BCLAF3: variants seen among roughly 807,000 people sequenced by gnomAD.
BCLAF3 encodes the protein transient octamer binding factor 1.
BCLAF3 carries 24 observed loss-of-function variants against 51.2 expected under a neutral mutation model. The observed-to-expected ratio is 0.47, with a 90% confidence interval of 0.34 to 0.66. BCLAF3 has a LOEUF of 0.66. BCLAF3 is among the 30% of genes least tolerant of loss of function. The pLI is 0.01. For synonymous variants in BCLAF3, 152 were observed against 176.6 expected (o/e 0.86, Z 1.10); for missense variants, 465 against 525.1 (o/e 0.89, Z 1.12).
At chrX:19,970,710 A>T (rs927622878) in intron 1 of BCLAF3, among the ~76,000 whole-genome samples, 5 of 112,158 alleles carry the variant, frequency 4.5e-5, no homozygotes, top group Non-Finnish European at 9.4e-5. Flanking sequence ...TATTAACTAC[A>T]TGTTGAAATA....
chrX:19,939,771 A>C (rs2070929069), intron 8 of BCLAF3, among the ~76,000 whole-genome samples: 1 of 112,406 alleles, frequency 8.9e-6, no homozygotes, highest in African/African-American at 3.2e-5. Context: ...AAATTCTGAC[A>C]CATGATACAA....
Position 19,984,689 on chromosome X carries a change from CT to C in BCLAF3, c.-35+6218del, listed in dbSNP as rs1314071005. Among the ~76,000 whole-genome samples the C allele has an allele frequency of 4.6e-3, 484 of 104,558 alleles. 3 individuals are homozygous for C. Among genetic ancestry groups the C allele is most frequent in the African/African-American group, 0.014 (404 of 29,083 alleles). 90.8% of individuals were successfully genotyped at this position (104,558 alleles called of 115,157 possible). A position where few individuals can be genotyped will look rare whatever the true frequency, so the allele number is the denominator to read the frequency against. On this transcript the variant is annotated intron_variant, in intron 1 of 11. Coordinates refer to ENST00000379682, the MANE Select transcript of BCLAF3 (RefSeq NM_001367774.2). ...TGGGTATTTTAGAACTAAAATTATA[CT>C]TTTTTTTTTTTTGAGACGGAGTTTC...
chrX:19,936,306 G>A (rs1250065175), intron 9 of BCLAF3, among the ~76,000 whole-genome samples: 1 of 111,904 alleles, frequency 8.9e-6, no homozygotes, highest in South Asian at 3.7e-4. Context: ...ATTGCAGGAG[G>A]CAGGTTTTCC....
Position 19,965,231 on chromosome X carries a change from G to A in BCLAF3, c.1087C>T (p.Arg363Ter). Residue 363 changes from arginine to a stop codon, truncating the protein, a stop_gained, in exon 4 of 12, where the codon CGA becomes TGA. Transcript: ENST00000379682. LOFTEE classifies it high-confidence loss of function. ...TCCTTCCATTTGTCATTACTAGATC[G>A]CAAATCAACATCATTTTTATTTGAA... ...TYSNKNDVDL[R>*]SSNDKWKEKI... 1 of 1,204,859 alleles carries A rather than the reference G, an allele frequency of 8.3e-7. No homozygotes were observed. Among genetic ancestry groups the A allele is most frequent in the Non-Finnish European group, 1.1e-6 (1 of 892,969 alleles).
chrX:19,935,389 A>G (rs1234313747), intron 10 of BCLAF3: 5 of 117,307 alleles, frequency 4.3e-5, no homozygotes, highest in Non-Finnish European at 8.8e-5. Flanking sequence ...ATGATCCAGA[A>G]CGCCTCTAAG....
intron 1 of BCLAF3, among the ~76,000 whole-genome samples, chrX:19,988,656 A>C (rs1381129209): frequency 8.9e-6 from 1 of 112,275 alleles, no homozygotes; most frequent in African/African-American, 3.2e-5. Context: ...CAACAAGACA[A>C]AGTGTGTCTA....
chrX:19,928,795 T>C (rs1234033352), intron 11 of BCLAF3, among the ~76,000 whole-genome samples: 1 of 111,123 alleles, frequency 9.0e-6, no homozygotes, highest in East Asian at 2.8e-4. Flanking sequence ...ATCTGAAGGA[T>C]ATTATGTTAA....
intron 8 of BCLAF3, among the ~76,000 whole-genome samples, chrX:19,938,394 T>C (rs193214900): frequency 2.7e-5 from 3 of 111,676 alleles, no homozygotes; most frequent in African/African-American, 9.8e-5. Context: ...AGCTTCAGGA[T>C]TTTTTGTTTG....
chrX:19,964,903 CTTTT>C, intron 4 of BCLAF3, 137 bp downstream of exon 4: 1 of 485,665 alleles, frequency 2.1e-6, no homozygotes, highest in Non-Finnish European at 3.2e-6. Context: ...CACTACAGGG[CTTTT>C]TTTTTGGGGG....
rs753130124 is a variant in BCLAF3, at chrX:19,935,904, C to G, written c.1861-6G>C. The G allele has an allele frequency of 5.1e-6, 6 of 1,178,236 alleles. No individual in the cohort carries two copies. The South Asian group carries it at 1.1e-4, about 22-fold the overall frequency. The stretch of plus-strand genomic sequence containing the variant: ...TTTCTCTGCGTAGTATAATTCTGCA[C>G]GAAAAAAAGTAGTAGTGTGGGTTAA... On this transcript the variant is annotated splice_polypyrimidine_tract_variant and splice_region_variant and intron_variant, in intron 9 of 11. Coordinates refer to ENST00000379682, the MANE Select transcript of BCLAF3 (RefSeq NM_001367774.2).
At chrX:19,946,030 C>T (rs1447634295) in intron 8 of BCLAF3, among the ~76,000 whole-genome samples, 2 of 108,980 alleles carry the variant, frequency 1.8e-5, no homozygotes, top group Non-Finnish European at 3.8e-5. Context: ...GGGAGTGACC[C>T]GATTTTCCAG....
At chrX:19,978,817 G>A in intron 1 of BCLAF3, among the ~76,000 whole-genome samples, 1 of 109,161 alleles carries the variant, frequency 9.2e-6, no homozygotes, top group Non-Finnish European at 1.9e-5. Context: ...GCCCAGGCTG[G>A]TCTTGATCTC....
At chrX:19,948,398 G>A (rs2071376850) in intron 8 of BCLAF3, among the ~76,000 whole-genome samples, 1 of 111,906 alleles carries the variant, frequency 8.9e-6, no homozygotes, top group Non-Finnish European at 1.9e-5. Flanking sequence ...CTACAACATG[G>A]ATGAGCGTTA....
chrX:19,924,043 G>A lies in BCLAF3; in HGVS notation c.2106+5742C>T, dbSNP rs769425461. ...TCGAACTCCTGAGCTCAGGTGATCC[G>A]CCTGCCTCGGCCTCCCAAAGCGCTG... is the stretch of plus-strand genomic sequence containing the variant. On this transcript the variant is annotated intron_variant, in intron 11 of 11. Coordinates refer to ENST00000379682, the MANE Select transcript of BCLAF3 (RefSeq NM_001367774.2). Among the ~76,000 whole-genome samples the A allele has an allele frequency of 1.2e-4, 13 of 110,162 alleles. 1 individual carries two copies. Among genetic ancestry groups the A allele is most frequent in the South Asian group, 7.7e-4 (2 of 2,585 alleles).
intron 11 of BCLAF3, among the ~76,000 whole-genome samples, chrX:19,919,851 C>T (rs1421312591): frequency 3.3e-4 from 26 of 78,149 alleles, no homozygotes; most frequent in African/African-American, 1.2e-3. Context: ...AGTGAGACTT[C>T]GTCTCAAAAA....
chrX:19,950,728 A>G, intron 8 of BCLAF3, 25 bp downstream of exon 8: 1 of 1,057,653 alleles, frequency 9.5e-7, no homozygotes, highest in South Asian at 2.1e-5. Context: ...CCCTGATAAC[A>G]GGATGTTTGT....
intron 10 of BCLAF3, chrX:19,935,579 T>C: frequency 2.8e-6 from 1 of 357,928 alleles, no homozygotes; most frequent in East Asian, 4.6e-5. Context: ...TTCCATGTAA[T>C]ATTTGGAAAA....
chrX:19,933,556 A>C (rs1056695796), intron 10 of BCLAF3, among the ~76,000 whole-genome samples: 4 of 111,853 alleles, frequency 3.6e-5, no homozygotes, highest in Non-Finnish European at 3.8e-5. Flanking sequence ...TGCCAGGCCT[A>C]TTTTTCAATT....
chrX:19,921,080 CAG>C (rs1163337500), intron 11 of BCLAF3, among the ~76,000 whole-genome samples: 1 of 111,424 alleles, frequency 9.0e-6, no homozygotes, highest in Admixed American at 9.6e-5. Flanking sequence ...CTCCAAAAAG[CAG>C]AGAGTCTATG....
Sources: allele counts gnomAD v4.1 joint callset (sites outside exome capture counted in the v4.1 genomes callset), GRCh38; gene constraint gnomAD v4.1.1; transcripts MANE v1.5; gene names NCBI Gene and HGNC (gene_info 2026-07-23, HGNC 2026-07-21).